JMJD1C: variants seen among roughly 807,000 people sequenced by gnomAD.
JMJD1C encodes jumonji domain containing 1C.
JMJD1C carries 31 observed loss-of-function variants against 245.3 expected under a neutral mutation model. The observed-to-expected ratio is 0.13, with a 90% CI of 0.09 to 0.17. The LOEUF (loss-of-function observed/expected upper bound fraction) is 0.17, where lower values mean the gene tolerates loss of function less well. Ranked by LOEUF, JMJD1C falls within the 10% of genes least tolerant of loss-of-function variation. The pLI, the probability that JMJD1C is intolerant of heterozygous loss-of-function variation, is 1.00. For missense variants in JMJD1C, 2,691 were observed against 3,000.2 expected (o/e 0.90, Z 2.41); for synonymous variants, 1,057 against 1,017.4 (o/e 1.04, Z -0.74).
At chr10:63,232,906 T>C (rs561653420) in intron 3 of JMJD1C, among the ~76,000 whole-genome samples, 3 of 152,306 alleles carry the variant, frequency 2.0e-5, no homozygotes, top group South Asian at 2.1e-4. Context: ...TCAAAGTTCA[T>C]TTTCTGTTTA....
intron 2 of JMJD1C, among the ~76,000 whole-genome samples, chr10:63,321,739 T>C (rs1354616126): frequency 2.0e-5 from 3 of 152,170 alleles, no homozygotes; most frequent in Non-Finnish European, 4.4e-5. Context: ...AAAGGTCTGA[T>C]ACTTTACAAG....
chr10:63,447,026 G>A (rs1161783829), intron 1 of JMJD1C, among the ~76,000 whole-genome samples: 2 of 150,570 alleles, frequency 1.3e-5, no homozygotes, highest in Non-Finnish European at 2.9e-5. Flanking sequence ...ATTTGTGAGG[G>A]ATAGGTATAA....
At chr10:63,503,187 A>G (rs1403938834) in intron 1 of JMJD1C, among the ~76,000 whole-genome samples, 2 of 152,226 alleles carry the variant, frequency 1.3e-5, no homozygotes, top group Non-Finnish European at 2.9e-5. Flanking sequence ...GCCACAGGCC[A>G]TTTTTAATAC....
intron 1 of JMJD1C, among the ~76,000 whole-genome samples, chr10:63,421,528 G>C (rs1279999582): frequency 1.3e-5 from 2 of 152,158 alleles, no homozygotes; most frequent in African/African-American, 4.8e-5. Context: ...GTGCTCTTCA[G>C]AATGATTAGT....
At chr10:63,363,552 C>T (rs1400206754) in intron 2 of JMJD1C, among the ~76,000 whole-genome samples, 1 of 152,036 alleles carries the variant, frequency 6.6e-6, no homozygotes, top group Non-Finnish European at 1.5e-5. Flanking sequence ...GCCACCACGC[C>T]TAACCCATAC....
chr10:63,440,733 C>T (rs1951334205), intron 1 of JMJD1C, among the ~76,000 whole-genome samples: 1 of 152,144 alleles, frequency 6.6e-6, no homozygotes, highest in Non-Finnish European at 1.5e-5. Context: ...CTTGAGGTTA[C>T]TGACCTTTAT....
chr10:63,225,753 C>T (rs530374509), intron 3 of JMJD1C, among the ~76,000 whole-genome samples: 3 of 149,170 alleles, frequency 2.0e-5, no homozygotes, highest in African/African-American at 7.4e-5. Context: ...CACTCCAGCC[C>T]GGGCAGCAAG....
intron 1 of JMJD1C, among the ~76,000 whole-genome samples, chr10:63,388,426 A>C (rs1947799414): frequency 6.6e-6 from 1 of 152,208 alleles, no homozygotes; most frequent in African/African-American, 2.4e-5. Flanking sequence ...TCTTTCCTAA[A>C]CAAGTAAAAG....
intron 2 of JMJD1C, among the ~76,000 whole-genome samples, chr10:63,315,177 A>G (rs576075492): frequency 2.0e-5 from 3 of 152,218 alleles, no homozygotes; most frequent in East Asian, 1.9e-4. Flanking sequence ...TTACCTGGGT[A>G]TAACTATGTT....
chr10:63,465,602 C>A lies in JMJD1C; in HGVS notation c.61G>T (p.Asp21Tyr), dbSNP rs201878027. ...GKRFLCVAVG[D>Y]EARSERWESG... is the part of the protein sequence containing the mutation. ...TCCCAGCGCTCCGAACGTGCCTCGT[C>A]GCCGACCGCCACACACAGGAACCGC... The change falls in exon 1 of 26, where the codon GAC (aspartate) becomes TAC (tyrosine). Residue 21 changes from aspartate (D) to tyrosine (Y), a missense_variant. Transcript: ENST00000399262. 1 of 1,609,752 alleles carries A rather than the reference C, an allele frequency of 6.2e-7. No homozygotes were observed. The highest frequency in any genetic ancestry group is 2.2e-5 in the East Asian group (1 of 44,844).
chr10:63,359,503 T>C (rs567424244), intron 2 of JMJD1C, among the ~76,000 whole-genome samples: 1 of 152,364 alleles, frequency 6.6e-6, no homozygotes, highest in African/African-American at 2.4e-5. Flanking sequence ...CTTTCTGCAT[T>C]CCACATAATG....
intron 2 of JMJD1C, among the ~76,000 whole-genome samples, chr10:63,350,280 T>C (rs34204266): frequency 0.2 from 30,662 of 152,050 alleles, 4,058 homozygotes; most frequent in Non-Finnish European, 0.29. Context: ...AGATACATAC[T>C]AAAGGGTTTA....
chr10:63,375,438 G>A (rs539750344), intron 2 of JMJD1C, among the ~76,000 whole-genome samples: 2 of 151,894 alleles, frequency 1.3e-5, no homozygotes, highest in South Asian at 4.2e-4. Context: ...CCTAGAAGAT[G>A]AAATAAACAA....
chr10:63,481,673 T>C (rs192958071), intron 1 of JMJD1C, among the ~76,000 whole-genome samples: 5 of 152,180 alleles, frequency 3.3e-5, no homozygotes, highest in African/African-American at 1.2e-4. Flanking sequence ...CCTCACTTAG[T>C]AGATACAAAC....
At position 63,197,479 on chromosome 10, in the gene JMJD1C, A is replaced by C; in HGVS notation, c.5576T>G (p.Val1859Gly). Residue 1859 changes from valine (V) to glycine (G), a missense_variant, in exon 13 of 26, where the codon GTC becomes GGC. By Grantham distance (109) the Val-to-Gly change is moderately radical (BLOSUM62 -3). Transcript: ENST00000399262. Reference sequence around the variant, plus strand: ...GACCACAAATCCACATTTTTGGCAGACCCAGTGAATGTTAAACAATGTTGC... The same window carrying C: ...GACCACAAATCCACATTTTTGGCAGCCCCAGTGAATGTTAAACAATGTTGC... ...CEATLFNIHW[V>G]CQKCGFVVCL... 1 of 1,612,778 alleles carries C rather than the reference A, an allele frequency of 6.2e-7. No individual in the cohort carries two copies. Among genetic ancestry groups the C allele is most frequent in the Non-Finnish European group, 8.5e-7 (1 of 1,179,650 alleles).
At chr10:63,183,243 A>G (rs1843704722) in intron 22 of JMJD1C, among the ~76,000 whole-genome samples, 1 of 152,236 alleles carries the variant, frequency 6.6e-6, no homozygotes, top group Admixed American at 6.5e-5. Context: ...AAAATATTCA[A>G]TTTTAAAATT....
chr10:63,471,494 G>A (rs1198242172), intron 1 of JMJD1C, among the ~76,000 whole-genome samples: 1 of 152,140 alleles, frequency 6.6e-6, no homozygotes, highest in Non-Finnish European at 1.5e-5. Context: ...CCCCCAAAAT[G>A]TTAAAGGACT....
intron 1 of JMJD1C, among the ~76,000 whole-genome samples, chr10:63,445,038 G>A (rs1292265925): frequency 6.6e-6 from 1 of 152,086 alleles, no homozygotes; most frequent in African/African-American, 2.4e-5. Context: ...ACCAGCCTGG[G>A]CAACATAGTG....
In JMJD1C at chr10:63,465,481, G is replaced by T; in HGVS notation, c.168+14C>A. 6.3e-7 allele frequency: 1 copy of T among 1,587,216 alleles called. No individual in the cohort carries two copies. Among genetic ancestry groups the T allele is most frequent in the Non-Finnish European group, 8.5e-7 (1 of 1,169,624 alleles). ...GGGCGCGGCAGGGGAAAAGGGGGGC[G>T]CTGACTCTCTTACCGCCAGGTCCGG... On this transcript the variant is annotated intron_variant, in intron 1 of 25. Transcript: ENST00000399262.
Sources: gnomAD v4.1 joint callset for allele counts (sites outside exome capture counted in the v4.1 genomes callset) on GRCh38, gnomAD v4.1.1 for gene constraint, MANE v1.5 for transcripts, NCBI Gene and HGNC (gene_info 2026-07-23, HGNC 2026-07-21) for gene names.